Variants in PCSK5 observed in about 807,000 individuals in gnomAD.
PCSK5 encodes the protein proprotein convertase subtilisin/kexin type 5, also known as prohormone convertase 5.
Under a neutral mutation model 233.2 loss-of-function variants are expected in PCSK5, and 129 were observed. That is an observed-to-expected ratio of 0.55 (90% confidence interval 0.48 to 0.64). PCSK5 has a LOEUF of 0.64. Among genes scored for constraint, PCSK5 ranks in the 30% least tolerant of loss-of-function variants. PCSK5 has a pLI of 0.00. For synonymous variants in PCSK5, 825 were observed against 879.2 expected (o/e 0.94, Z 1.09); for missense variants, 2,076 against 2,430.1 (o/e 0.85, Z 3.06).
intron 24 of PCSK5, among the ~76,000 whole-genome samples, chr9:76,283,511 G>C (rs947189062): frequency 2.0e-5 from 3 of 152,140 alleles, no homozygotes; most frequent in African/African-American, 7.2e-5. Flanking sequence ...TAATGCTATT[G>C]CTTACTTAAT....
chr9:76,259,536 C>A (rs752610178), intron 24 of PCSK5, among the ~76,000 whole-genome samples: 7 of 151,900 alleles, frequency 4.6e-5, no homozygotes, highest in Non-Finnish European at 8.8e-5. Flanking sequence ...ATATAAGTAT[C>A]TGATATTTTG....
chr9:75,920,218 C>T (rs1823189190), intron 1 of PCSK5, among the ~76,000 whole-genome samples: 1 of 152,154 alleles, frequency 6.6e-6, no homozygotes, highest in Non-Finnish European at 1.5e-5. Flanking sequence ...GGAGCTTCTC[C>T]TCCTAATAGG....
chr9:76,175,225 T>C (rs1823527204), intron 14 of PCSK5, 96 bp downstream of exon 14: 2 of 822,992 alleles, frequency 2.4e-6, no homozygotes, highest in South Asian at 3.8e-5. Flanking sequence ...TGGAATGAAA[T>C]GGAATGGAAT....
chr9:76,167,059 A>G (rs1823114242), intron 12 of PCSK5, among the ~76,000 whole-genome samples: 1 of 152,228 alleles, frequency 6.6e-6, no homozygotes, highest in Non-Finnish European at 1.5e-5. Context: ...TAGAATCTCC[A>G]TAAAGTGCAC....
At chr9:75,947,810 C>T (rs555421809) in intron 2 of PCSK5, among the ~76,000 whole-genome samples, 1 of 152,050 alleles carries the variant, frequency 6.6e-6, no homozygotes, top group South Asian at 2.1e-4. Flanking sequence ...AGAGAGATAC[C>T]CAGAGTTCTA....
At chr9:75,995,600 C>G (rs1826980646) in intron 3 of PCSK5, among the ~76,000 whole-genome samples, 2 of 151,994 alleles carry the variant, frequency 1.3e-5, no homozygotes, top group Non-Finnish European at 2.9e-5. Context: ...GCGATTTGGT[C>G]CTCATATCTG....
chr9:76,026,721 C>T (rs1261691682), intron 4 of PCSK5, among the ~76,000 whole-genome samples: 7 of 152,044 alleles, frequency 4.6e-5, no homozygotes, highest in Non-Finnish European at 8.8e-5. Context: ...GAACCAGGCA[C>T]TTGTTTGGTC....
chr9:75,969,733 A>C (rs746584738), intron 2 of PCSK5, among the ~76,000 whole-genome samples: 5 of 152,138 alleles, frequency 3.3e-5, no homozygotes, highest in African/African-American at 1.2e-4. Context: ...TGAGTATTTG[A>C]CATGAATTAG....
At chr9:75,957,963 C>T (rs1290476789) in intron 2 of PCSK5, among the ~76,000 whole-genome samples, 1 of 152,102 alleles carries the variant, frequency 6.6e-6, no homozygotes, top group African/African-American at 2.4e-5. Context: ...AATGGATCCT[C>T]CTTTCTTACC....
intron 5 of PCSK5, among the ~76,000 whole-genome samples, chr9:76,032,714 G>A (rs1421922444): frequency 1.3e-5 from 2 of 152,100 alleles, no homozygotes; most frequent in Admixed American, 6.6e-5. Context: ...AATAGAAAAT[G>A]CCTCCCTGCA....
At chr9:76,001,620 C>A (rs1420761901) in intron 3 of PCSK5, among the ~76,000 whole-genome samples, 3 of 152,094 alleles carry the variant, frequency 2.0e-5, no homozygotes, top group African/African-American at 4.8e-5. Context: ...TTTCAGCAAC[C>A]TGATGCCCTG....
chr9:76,023,711 T>A lies in PCSK5; in HGVS notation c.412-27T>A, dbSNP rs763999553. On this transcript the variant is annotated intron_variant, in intron 3 of 37. Coordinates refer to ENST00000674117, the MANE Select transcript of PCSK5 (RefSeq NM_001372043.1). ...CTTCCATTTCCTCACTATTTAGTAATCTTGCAGCATGCTCTTCTTCTTTCA... is the reference window on the plus strand; with the variant it reads ...CTTCCATTTCCTCACTATTTAGTAAACTTGCAGCATGCTCTTCTTCTTTCA... 7 of 1,575,184 alleles carry A rather than the reference T, an allele frequency of 4.4e-6. No individual in the cohort carries two copies. The South Asian group carries it at 8.3e-5, about 19-fold the overall frequency.
rs554597719 is a variant in PCSK5 at position 76,191,251 on chromosome 9, G to A, written c.2626+1505G>A. On this transcript the variant is annotated intron_variant, in intron 20 of 37. Transcript: ENST00000674117. Reference sequence around the variant, plus strand: ...GCAGTTGGAACAATCTGACTGACATGATCGCTGCCCTAGGTTTATTCTTTC... The same window carrying A: ...GCAGTTGGAACAATCTGACTGACATAATCGCTGCCCTAGGTTTATTCTTTC... Among the ~76,000 whole-genome samples, 7 of 152,254 alleles carry A rather than the reference G, an allele frequency of 4.6e-5. No homozygotes were observed. In the South Asian group the frequency reaches 1.4e-3, roughly 32 times the overall value.
intron 20 of PCSK5, among the ~76,000 whole-genome samples, chr9:76,217,794 G>A (rs1261014774): frequency 2.6e-5 from 4 of 152,206 alleles, no homozygotes; most frequent in African/African-American, 9.7e-5. Context: ...ACAGCCTAAA[G>A]CTCTGATAGG....
intron 13 of PCSK5, among the ~76,000 whole-genome samples, chr9:76,172,859 A>T (rs1178777304): frequency 6.6e-6 from 1 of 152,232 alleles, no homozygotes; most frequent in Non-Finnish European, 1.5e-5. Context: ...TCATTAACAA[A>T]TGAGTCCAAA....
rs561871394 is a variant in PCSK5 at position 76,030,478 on chromosome 9, C to A, written c.632+3441C>A. ...GGAAATTTGTTACCTCTGTGACACACAATAATCCAACATAACAATTATAAT... is the reference window on the plus strand; with the variant it reads ...GGAAATTTGTTACCTCTGTGACACAAAATAATCCAACATAACAATTATAAT... On this transcript the variant is annotated intron_variant, in intron 5 of 37. Coordinates refer to ENST00000674117, the MANE Select transcript of PCSK5 (RefSeq NM_001372043.1). Among the ~76,000 whole-genome samples the A allele has an allele frequency of 9.2e-5, 14 of 152,234 alleles. 1 individual carries two copies. The highest frequency in any genetic ancestry group is 9.2e-4 in the Admixed American group (14 of 15,284).
At chr9:75,902,214 T>TAAAAAAAAAAAAAAAAAAAAAAAAAA (rs200579439) in intron 1 of PCSK5, among the ~76,000 whole-genome samples, 3 of 53,286 alleles carry the variant, frequency 5.6e-5, no homozygotes, top group African/African-American at 1.6e-4. Flanking sequence ...AGACACCATC[T>TAAAAAAAAAAAAAAAAAAAAAAAAAA]AAAAAAAAAA....
chr9:76,303,688 C>T (rs1828688232), intron 28 of PCSK5, among the ~76,000 whole-genome samples: 1 of 152,200 alleles, frequency 6.6e-6, no homozygotes, highest in South Asian at 2.1e-4. Context: ...CGGCTGCCTT[C>T]TCTTTGGGGC....
chr9:76,324,167 C>A (rs905213397), intron 32 of PCSK5, among the ~76,000 whole-genome samples: 1 of 151,884 alleles, frequency 6.6e-6, no homozygotes, highest in Non-Finnish European at 1.5e-5. Context: ...CTCAAGTGAT[C>A]CACCTGCCTC....
Sources: gnomAD v4.1 joint callset for allele counts (sites outside exome capture counted in the v4.1 genomes callset) on GRCh38, gnomAD v4.1.1 for gene constraint, MANE v1.5 for transcripts, NCBI Gene and HGNC (gene_info 2026-07-23, HGNC 2026-07-21) for gene names.